CFAP57: variants seen among roughly 807,000 people sequenced by gnomAD.
CFAP57 encodes the protein cilia and flagella associated protein 57.
Under a neutral mutation model 146.8 loss-of-function variants are expected in CFAP57, and 116 were observed. The observed-to-expected ratio is 0.79, with a 90% confidence interval of 0.68 to 0.92. CFAP57 has a LOEUF of 0.92. Ranked by LOEUF, CFAP57 falls within the 40% of genes least tolerant of loss-of-function variation. CFAP57 has a pLI of 0.00. For synonymous variants in CFAP57, 518 were observed against 552.8 expected, an observed-to-expected ratio of 0.94 and a Z score of 0.88; for missense variants, 1,377 against 1,527.2, an observed-to-expected ratio of 0.90 and a Z score of 1.64.
At chr1:43,205,941 T>C (rs1256221030) in intron 9 of CFAP57, among the ~76,000 whole-genome samples, 2 of 152,140 alleles carry the variant, frequency 1.3e-5, no homozygotes, top group Admixed American at 6.5e-5. Context: ...CTTGAATAAA[T>C]GTTTTTCCAT....
At chr1:43,211,832 G>A (rs577866653) in intron 11 of CFAP57, among the ~76,000 whole-genome samples, 8 of 151,974 alleles carry the variant, frequency 5.3e-5, no homozygotes, top group African/African-American at 1.9e-4. Flanking sequence ...TTGCAATTAG[G>A]CATTTAAATT....
intron 10 of CFAP57, among the ~76,000 whole-genome samples, chr1:43,208,623 A>G (rs1644459614): frequency 6.6e-6 from 1 of 152,130 alleles, no homozygotes; most frequent in Non-Finnish European, 1.5e-5. Context: ...GGTGGGGAAC[A>G]CCACACAACG....
At chr1:43,199,558 C>T in intron 9 of CFAP57, 55 bp downstream of exon 9, 1 of 1,500,750 alleles carries the variant, frequency 6.7e-7, no homozygotes, top group Non-Finnish European at 9.3e-7. Flanking sequence ...AAGTATGCCG[C>T]CAGCCAGTGG....
At position 43,185,195 on chromosome 1, in the gene CFAP57, C is replaced by A; in HGVS notation, c.808C>A (p.Gln270Lys). ...PVSSPLPSYEQMVAASSHSQM... is the reference protein window; with the variant it reads ...PVSSPLPSYEKMVAASSHSQM... The stretch of plus-strand genomic sequence containing the variant: ...CAGTTCTCCACTCCCTTCCTATGAA[C>A]AGATGGTGGCGGCCAGTAGCCATAG... The change falls in exon 5 of 23, where the codon CAG becomes AAG. Residue 270 changes from glutamine (Q) to lysine (K), a missense_variant. Transcript: ENST00000372492. The A allele has an allele frequency of 6.2e-7, 1 of 1,614,176 alleles. No homozygotes were observed. The highest frequency in any genetic ancestry group is 8.5e-7 in the Non-Finnish European group (1 of 1,180,034).
chr1:43,242,154 G>A (rs1645949588), intron 21 of CFAP57, among the ~76,000 whole-genome samples: 1 of 152,032 alleles, frequency 6.6e-6, no homozygotes, highest in Non-Finnish European at 1.5e-5. Context: ...TAGTTGTCTG[G>A]GACACCCTTT....
chr1:43,175,086 T>C (rs374378697), intron 2 of CFAP57, among the ~76,000 whole-genome samples: 1 of 152,180 alleles, frequency 6.6e-6, no homozygotes, highest in South Asian at 2.1e-4. Context: ...TTTATCAGCA[T>C]ATTATAGATC....
intron 21 of CFAP57, among the ~76,000 whole-genome samples, chr1:43,237,847 G>C (rs566222777): frequency 1.3e-5 from 2 of 152,300 alleles, no homozygotes; most frequent in South Asian, 4.1e-4. Context: ...CCTGTAAACA[G>C]GCTCCACCCA....
chr1:43,208,849 T>C (rs1644472966), intron 10 of CFAP57, among the ~76,000 whole-genome samples: 1 of 146,204 alleles, frequency 6.8e-6, no homozygotes, highest in Non-Finnish European at 1.5e-5. Flanking sequence ...GGTGAATGAG[T>C]GCATGAATGA....
intron 5 of CFAP57, 78 bp from the exon 6 acceptor site, chr1:43,186,629 A>AG: frequency 1.5e-5 from 19 of 1,285,658 alleles, no homozygotes; most frequent in Admixed American, 2.2e-5. Flanking sequence ...AAAAAAAAAA[A>AG]AAAAGAAAAC....
At chr1:43,217,825 G>A (rs766783291) in intron 12 of CFAP57, among the ~76,000 whole-genome samples, 4 of 150,058 alleles carry the variant, frequency 2.7e-5, no homozygotes, top group Non-Finnish European at 5.9e-5. Flanking sequence ...CAGCCTGATC[G>A]GGTTCGATGA....
chr1:43,233,283 G>A (rs1421007707), intron 19 of CFAP57, among the ~76,000 whole-genome samples: 9 of 152,174 alleles, frequency 5.9e-5, no homozygotes, highest in Admixed American at 5.9e-4. Context: ...GAGGTCAGGA[G>A]TTCGAGACCA....
chr1:43,220,742 C>T (rs776741884), intron 13 of CFAP57, among the ~76,000 whole-genome samples: 11 of 151,766 alleles, frequency 7.2e-5, no homozygotes, highest in Non-Finnish European at 1.6e-4. Context: ...TAAAGAAATC[C>T]CCAATTATGT....
At chr1:43,219,688 T>A in intron 13 of CFAP57, 151 bp downstream of exon 13, 1 of 1,025,930 alleles carries the variant, frequency 9.7e-7, no homozygotes, top group Non-Finnish European at 1.4e-6. Flanking sequence ...CAGAAATGCT[T>A]ACAACTGGCC....
chr1:43,186,958 TA>T, intron 6 of CFAP57, 99 bp downstream of exon 6: 1 of 1,420,642 alleles, frequency 7.0e-7, no homozygotes. Context: ...TAAGTTAGCA[TA>T]AACTCATGCA....
chr1:43,183,776 C>T lies in CFAP57; in HGVS notation c.660C>T (p.Leu220=). The change falls in exon 4 of 23, where the codon CTC becomes CTT. Residue 220 remains leucine, a synonymous_variant. Coordinates refer to ENST00000372492, the MANE Select transcript of CFAP57 (RefSeq NM_001378189.1). ...KIVVGTDTGK[L]FLFESGDQRW... ...TCGTTGGCACTGACACAGGCAAACT[C>T]TTCCTCTTTGAATCTGGAGATCAGC... 1 of 1,614,210 alleles carries T rather than the reference C, an allele frequency of 6.2e-7. No homozygotes were observed. Among genetic ancestry groups the T allele is most frequent in the Non-Finnish European group, 8.5e-7 (1 of 1,180,044 alleles).
intron 22 of CFAP57, among the ~76,000 whole-genome samples, chr1:43,253,336 G>C (rs527496005): frequency 6.6e-6 from 1 of 152,226 alleles, no homozygotes; most frequent in African/African-American, 2.4e-5. Context: ...GTGCTAGAGT[G>C]AAAGACCTAA....
intron 9 of CFAP57, among the ~76,000 whole-genome samples, chr1:43,203,484 C>T (rs1256279961): frequency 2.0e-5 from 3 of 151,914 alleles, no homozygotes; most frequent in Non-Finnish European, 2.9e-5. Flanking sequence ...ATATTTTAGA[C>T]GGAGTCTTGC....
intron 2 of CFAP57, among the ~76,000 whole-genome samples, chr1:43,176,824 T>C (rs1254429252): frequency 6.6e-6 from 1 of 151,874 alleles, no homozygotes; most frequent in Non-Finnish European, 1.5e-5. Context: ...GATTTTTGAG[T>C]GAAGACTGAA....
chr1:43,211,725 T>G (rs1289301237), intron 11 of CFAP57, among the ~76,000 whole-genome samples: 2 of 152,250 alleles, frequency 1.3e-5, no homozygotes, highest in Non-Finnish European at 2.9e-5. Context: ...CACACTACTG[T>G]AAGCGTTTGT....
Sources: allele counts gnomAD v4.1 joint callset (sites outside exome capture counted in the v4.1 genomes callset), GRCh38; gene constraint gnomAD v4.1.1; transcripts MANE v1.5; gene names NCBI Gene and HGNC (gene_info 2026-07-23, HGNC 2026-07-21).